Variants in PARP15 observed in about 807,000 individuals in gnomAD.
PARP15 encodes protein mono-ADP-ribosyltransferase PARP15.
In PARP15, 50 loss-of-function variants were observed where a neutral mutation model predicts 62.1. The observed-to-expected ratio is 0.81, with a 90% CI of 0.64 to 1.02. The LOEUF (loss-of-function observed/expected upper bound fraction) is 1.02, where lower values mean the gene tolerates loss of function less well. Among genes scored for constraint, PARP15 ranks in the 50% least tolerant of loss-of-function variants. The probability of loss-of-function intolerance (pLI) is 0.00; values close to 1 mark genes in which losing one functional copy is unlikely to be tolerated. For missense variants in PARP15, 820 were observed against 826.5 expected (o/e 0.99, Z 0.10); for synonymous variants, 309 against 293.1 (o/e 1.05, Z -0.55).
chr3:122,596,622 A>G (rs528659960), intron 1 of PARP15, among the ~76,000 whole-genome samples: 2 of 152,336 alleles, frequency 1.3e-5, no homozygotes, highest in South Asian at 4.1e-4. Flanking sequence ...AATAAAACAT[A>G]AAGCATTTAG....
At chr3:122,595,984 C>T (rs911924974) in intron 1 of PARP15, among the ~76,000 whole-genome samples, 12 of 151,994 alleles carry the variant, frequency 7.9e-5, no homozygotes, top group Admixed American at 4.6e-4. Flanking sequence ...CAGTTTTTAT[C>T]TGCAGTCAAG....
intron 2 of PARP15, among the ~76,000 whole-genome samples, chr3:122,607,563 T>G (rs1379174562): frequency 6.6e-6 from 1 of 152,252 alleles, no homozygotes; most frequent in Admixed American, 6.5e-5. Flanking sequence ...TATCCCCTTA[T>G]GATGGGCCAC....
intron 1 of PARP15, among the ~76,000 whole-genome samples, chr3:122,597,766 G>A (rs1044465691): frequency 1.3e-5 from 2 of 152,224 alleles, no homozygotes; most frequent in Middle Eastern, 6.8e-3. Flanking sequence ...TATACACAGA[G>A]TTGTTCCTCA....
In PARP15 at chr3:122,605,940, G is replaced by A; in HGVS notation, c.191G>A (p.Arg64Lys). ...SRRSSSRSMS[R>K]DNKFSKKDCL... ...GCTTTACTGTTTTCTCCACAGTCCAGAGACAACAAGTTCAGCAAGAAAGAT... is the reference window on the plus strand; with the variant it reads ...GCTTTACTGTTTTCTCCACAGTCCAAAGACAACAAGTTCAGCAAGAAAGAT... The change falls in exon 2 of 12, where the codon AGA becomes AAA. Residue 64 changes from arginine (R) to lysine (K), a missense_variant. Arg to Lys is a conservative substitution (Grantham distance 26). Coordinates refer to ENST00000464300, the MANE Select transcript of PARP15 (RefSeq NM_001113523.3). 1 of 1,551,296 alleles carries A rather than the reference G, an allele frequency of 6.4e-7. No homozygotes were observed. The highest frequency in any genetic ancestry group is 8.7e-7 in the Non-Finnish European group (1 of 1,146,748).
chr3:122,592,609 A>G (rs1934012721), intron 1 of PARP15, among the ~76,000 whole-genome samples: 1 of 81,848 alleles, frequency 1.2e-5, no homozygotes, highest in East Asian at 4.8e-4. Flanking sequence ...TAAATATTAA[A>G]ATTAAAATTA....
At chr3:122,632,275 T>A in intron 10 of PARP15, 56 bp downstream of exon 10, 1 of 1,515,026 alleles carries the variant, frequency 6.6e-7, no homozygotes, top group East Asian at 2.3e-5. Flanking sequence ...ACATAAAAGC[T>A]ATCTCTTTTT....
chr3:122,615,843 C>T lies in PARP15; in HGVS notation c.836C>T (p.Ala279Val). 3.7e-6 allele frequency: 6 copies of T among 1,612,694 alleles called. No homozygotes were observed. The highest frequency in any genetic ancestry group is 4.2e-6 in the Non-Finnish European group (5 of 1,178,980). ...INPNKARIPM[A>V]GDTQGVVGTV... is the part of the protein sequence containing the mutation. ...CCCAACAAGGCCAGGATTCCCATGG[C>T]AGGAGATACCCAAGGTCTGGTAAAG... Residue 279 changes from alanine to valine, a missense_variant, in exon 5 of 12, where the codon GCA becomes GTA. By Grantham distance (64) the Ala-to-Val change is moderately conservative. Around this residue, in one of 3 missense-constraint regions of PARP15, gnomAD observed 731 missense variants for 727.7 expected, o/e 1.00. Coordinates refer to ENST00000464300, the MANE Select transcript of PARP15 (RefSeq NM_001113523.3).
At chr3:122,618,276 C>T (rs1463314891) in intron 6 of PARP15, among the ~76,000 whole-genome samples, 1 of 151,984 alleles carries the variant, frequency 6.6e-6, no homozygotes, top group Non-Finnish European at 1.5e-5. Context: ...TATCCCTGTC[C>T]CCTTTTGGAA....
intron 4 of PARP15, chr3:122,615,559 C>G (rs1396349658): frequency 8.4e-7 from 1 of 1,185,846 alleles, no homozygotes; most frequent in African/African-American, 1.6e-5. Flanking sequence ...CTTGCCTGGA[C>G]AGTGTTAGTT....
At chr3:122,600,286 G>T (rs1934689341) in intron 1 of PARP15, among the ~76,000 whole-genome samples, 1 of 152,048 alleles carries the variant, frequency 6.6e-6, no homozygotes, top group Non-Finnish European at 1.5e-5. Context: ...TCACTTAGAT[G>T]TAAAACCAGA....
At chr3:122,605,870 C>T (rs911523121) in intron 1 of PARP15, 66 bp from the exon 2 acceptor site, 67 of 1,507,252 alleles carry the variant, frequency 4.4e-5, no homozygotes, top group Non-Finnish European at 5.9e-5. Context: ...CCTGAGCCAC[C>T]GCACCTGGCC....
intron 2 of PARP15, among the ~76,000 whole-genome samples, chr3:122,608,648 ACTCACTATTCCAAT>A (rs913481520): frequency 2.0e-5 from 3 of 151,934 alleles, no homozygotes; most frequent in African/African-American, 7.3e-5. Context: ...AAAAGCCTTC[ACTCACTATTCCAAT>A]CTAAATGATT....
intron 8 of PARP15, 40 bp from the exon 9 acceptor site, chr3:122,626,787 C>A: frequency 6.4e-7 from 1 of 1,573,182 alleles, no homozygotes; most frequent in South Asian, 1.1e-5. Context: ...ATATTAGCAA[C>A]ATCGGGGGAA....
At chr3:122,608,307 C>T (rs1935316481) in intron 2 of PARP15, among the ~76,000 whole-genome samples, 1 of 148,342 alleles carries the variant, frequency 6.7e-6, no homozygotes, top group South Asian at 2.1e-4. Context: ...CCTCCGCCTC[C>T]TGGGTTCAAG....
At chr3:122,594,418 C>T (rs34565003) in intron 1 of PARP15, 7 of 413,924 alleles carry the variant, frequency 1.7e-5, no homozygotes, top group Non-Finnish European at 2.3e-5. Flanking sequence ...TATTGTGTAA[C>T]AATTATTACT....
At chr3:122,629,334 T>C (rs1435134601) in intron 9 of PARP15, among the ~76,000 whole-genome samples, 3 of 152,166 alleles carry the variant, frequency 2.0e-5, no homozygotes, top group African/African-American at 7.2e-5. Context: ...GGTTTCAACA[T>C]GTTGGCCAGA....
At chr3:122,605,614 C>T (rs771574315) in intron 1 of PARP15, among the ~76,000 whole-genome samples, 4 of 152,180 alleles carry the variant, frequency 2.6e-5, no homozygotes, top group East Asian at 1.9e-4. Flanking sequence ...CGCTTTGTTA[C>T]GCAGGCTGGA....
chr3:122,578,545 T>C (rs1166014430), intron 1 of PARP15, among the ~76,000 whole-genome samples: 1 of 152,188 alleles, frequency 6.6e-6, no homozygotes, highest in East Asian at 1.9e-4. Context: ...GACTTTCATA[T>C]GTGGTTCGGG....
At chr3:122,615,988 G>C in intron 5 of PARP15, 131 bp downstream of exon 5, 17 of 841,484 alleles carry the variant, frequency 2.0e-5, no homozygotes, top group South Asian at 1.6e-4. Context: ...GGAGGTGTTA[G>C]AGCATGTCCC....
Sources: allele counts gnomAD v4.1 joint callset (sites outside exome capture counted in the v4.1 genomes callset), GRCh38; gene constraint gnomAD v4.1.1; regional missense constraint gnomAD v4.1.1; transcripts MANE v1.5; gene names NCBI Gene and HGNC (gene_info 2026-07-23, HGNC 2026-07-21).